The following CCDC112 variants were observed in gnomAD, a reference collection of about 807,000 sequenced individuals.
CCDC112 encodes the protein coiled-coil domain-containing protein 112.
CCDC112 carries 40 observed loss-of-function variants against 66.3 expected under a neutral mutation model. That is an observed-to-expected ratio of 0.60 (90% CI 0.47 to 0.79). The LOEUF (loss-of-function observed/expected upper bound fraction) is 0.79, where lower values mean the gene tolerates loss of function less well. Ranked by LOEUF, CCDC112 falls within the 30% of genes least tolerant of loss-of-function variation. CCDC112 has a pLI of 0.00. For synonymous variants in CCDC112, 214 were observed against 197.2 expected (o/e 1.09, Z -0.71); for missense variants, 659 against 603.8 (o/e 1.09, Z -0.96).
At chr5:115,291,410 T>C (rs937687848) in intron 1 of CCDC112, among the ~76,000 whole-genome samples, 1 of 152,202 alleles carries the variant, frequency 6.6e-6, no homozygotes, top group Non-Finnish European at 1.5e-5. Context: ...TTTACATCTG[T>C]ATTTATAACA....
At position 115,283,432 on chromosome 5, in the gene CCDC112, G is replaced by C. The variant is rs538230243; in HGVS notation, c.239+1355C>G. Among the ~76,000 whole-genome samples the C allele has an allele frequency of 3.3e-5, 5 of 152,100 alleles. No homozygotes were observed. In the South Asian group the frequency reaches 1.0e-3, roughly 32 times the overall value. On this transcript the variant is annotated intron_variant, in intron 2 of 9. Coordinates refer to ENST00000379611, the MANE Select transcript of CCDC112 (RefSeq NM_001040440.3). ...TTCACTTAACATAATGAAAATCTCA[G>C]CTCACTTTTCTAAGAAAGTTGATCT... is the stretch of plus-strand genomic sequence containing the variant.
At chr5:115,276,812 C>T (rs1749225048) in intron 4 of CCDC112, among the ~76,000 whole-genome samples, 153 bp downstream of exon 4, 1 of 152,070 alleles carries the variant, frequency 6.6e-6, no homozygotes, top group African/African-American at 2.4e-5. Flanking sequence ...AGTTTAGCTC[C>T]ATTAATAAAC....
chr5:115,275,177 T>C (rs1027811562), intron 6 of CCDC112, 39 bp downstream of exon 6: 17 of 1,479,192 alleles, frequency 1.1e-5, no homozygotes, highest in Middle Eastern at 1.9e-4. Context: ...GCCTAGAACA[T>C]AGAAACACAG....
At chr5:115,280,485 G>C (rs1204212130) in intron 2 of CCDC112, 1 of 152,040 alleles carries the variant, frequency 6.6e-6, no homozygotes, top group Non-Finnish European at 1.5e-5. Context: ...TGCACCCTAA[G>C]AGAAAACAAA....
intron 1 of CCDC112, among the ~76,000 whole-genome samples, chr5:115,292,970 G>C (rs1028684535): frequency 6.6e-6 from 1 of 152,192 alleles, no homozygotes; most frequent in Admixed American, 6.5e-5. Flanking sequence ...GTCTCCTATT[G>C]CTGCTGTAAC....
At chr5:115,274,743 CT>C (rs1302101959) in intron 6 of CCDC112, among the ~76,000 whole-genome samples, 2 of 151,988 alleles carry the variant, frequency 1.3e-5, no homozygotes, top group East Asian at 1.9e-4. Flanking sequence ...ACTTAACTTC[CT>C]TTTTTTATTT....
chr5:115,271,700 C>T, intron 6 of CCDC112, 74 bp from the exon 7 acceptor site: 2 of 929,646 alleles, frequency 2.2e-6, no homozygotes, highest in South Asian at 2.1e-5. Flanking sequence ...TAAAATACAT[C>T]AATTCCATCT....
chr5:115,291,937 T>C (rs1460977046), intron 1 of CCDC112, among the ~76,000 whole-genome samples: 1 of 152,196 alleles, frequency 6.6e-6, no homozygotes, highest in Non-Finnish European at 1.5e-5. Context: ...TTTTTGTCCA[T>C]ATTTATTGGC....
chr5:115,268,853 A>C (rs780358768), intron 9 of CCDC112, 29 bp downstream of exon 9: 1 of 1,300,220 alleles, frequency 7.7e-7, no homozygotes, highest in East Asian at 2.5e-5. Context: ...TAAATTACTA[A>C]ATGAACACCA....
chr5:115,292,699 T>C (rs1044197870), intron 1 of CCDC112, among the ~76,000 whole-genome samples: 2 of 152,200 alleles, frequency 1.3e-5, no homozygotes, highest in African/African-American at 4.8e-5. Context: ...GTAGTCTTGG[T>C]CAGGTGTGGC....
intron 6 of CCDC112, among the ~76,000 whole-genome samples, chr5:115,272,936 T>C (rs1180065385): frequency 2.0e-5 from 3 of 152,200 alleles, no homozygotes; most frequent in Non-Finnish European, 2.9e-5. Context: ...TGTGAAAATT[T>C]TCTATGGAAA....
chr5:115,288,560 T>C (rs1749784365), intron 1 of CCDC112, among the ~76,000 whole-genome samples: 2 of 152,196 alleles, frequency 1.3e-5, no homozygotes, highest in African/African-American at 4.8e-5. Flanking sequence ...AAGAGTGGTT[T>C]TTATAAGGAA....
intron 3 of CCDC112, 100 bp downstream of exon 3, chr5:115,279,547 T>C: frequency 8.4e-7 from 1 of 1,192,480 alleles, no homozygotes; most frequent in Non-Finnish European, 1.2e-6. Context: ...ACTCTATTGA[T>C]AGAGAACACA....
At chr5:115,296,351 CAG>C in intron 1 of CCDC112, 74 bp downstream of exon 1, 1 of 1,449,990 alleles carries the variant, frequency 6.9e-7, no homozygotes, top group Non-Finnish European at 9.0e-7. Context: ...GCCGGCGCTG[CAG>C]AGGGCACCTG....
chr5:115,293,358 A>T (rs1750017754), intron 1 of CCDC112, among the ~76,000 whole-genome samples: 1 of 152,246 alleles, frequency 6.6e-6, no homozygotes, highest in Non-Finnish European at 1.5e-5. Flanking sequence ...GGTGATAGAT[A>T]TGTTAATTAT....
intron 1 of CCDC112, among the ~76,000 whole-genome samples, chr5:115,293,943 T>G (rs1750041471): frequency 6.6e-6 from 1 of 152,096 alleles, no homozygotes; most frequent in African/African-American, 2.4e-5. Flanking sequence ...AAGTCATAAT[T>G]CAGCAACTAC....
intron 2 of CCDC112, among the ~76,000 whole-genome samples, chr5:115,282,925 C>A (rs757821836): frequency 2.6e-4 from 40 of 151,986 alleles, no homozygotes; most frequent in Non-Finnish European, 4.6e-4. Flanking sequence ...TTCTAATATT[C>A]TTTCAGTGAG....
intron 6 of CCDC112, among the ~76,000 whole-genome samples, chr5:115,274,642 C>G (rs1561494416): frequency 6.6e-6 from 1 of 152,196 alleles, no homozygotes; most frequent in Non-Finnish European, 1.5e-5. Flanking sequence ...GACCCATAAT[C>G]AGAGGCTTTT....
At chr5:115,282,133 C>T (rs772158724) in intron 2 of CCDC112, among the ~76,000 whole-genome samples, 1 of 152,114 alleles carries the variant, frequency 6.6e-6, no homozygotes, top group Non-Finnish European at 1.5e-5. Flanking sequence ...TTAAATAAAT[C>T]ATATTACATT....
Sources: gnomAD v4.1 joint callset for allele counts (sites outside exome capture counted in the v4.1 genomes callset) on GRCh38, gnomAD v4.1.1 for gene constraint, MANE v1.5 for transcripts, NCBI Gene and HGNC (gene_info 2026-07-23, HGNC 2026-07-21) for gene names.